The following HIPK2 variants were observed in gnomAD, a reference collection of about 807,000 sequenced individuals.
HIPK2 encodes the protein homeodomain-interacting protein kinase 2.
In HIPK2, 27 loss-of-function variants were observed where a neutral mutation model predicts 113.7. The ratio of observed to expected loss-of-function variants is 0.24; its 90% CI spans 0.17 to 0.33. HIPK2 has a LOEUF of 0.33. Among genes scored for constraint, HIPK2 ranks in the 10% least tolerant of loss-of-function variants. The pLI is 1.00. For missense variants in HIPK2, 1,257 were observed against 1,588.0 expected, an observed-to-expected ratio of 0.79 and a Z score of 3.54; for synonymous variants, 631 against 642.2, an observed-to-expected ratio of 0.98 and a Z score of 0.26.
intron 1 of HIPK2, among the ~76,000 whole-genome samples, chr7:139,735,853 A>G (rs1795923462): frequency 1.3e-5 from 2 of 152,234 alleles, no homozygotes; most frequent in South Asian, 4.1e-4. Flanking sequence ...CACTGCCTAC[A>G]GGACCTGGGA....
intron 7 of HIPK2, among the ~76,000 whole-genome samples, chr7:139,616,054 C>T (rs1398638259): frequency 6.6e-6 from 1 of 152,152 alleles, no homozygotes; most frequent in East Asian, 1.9e-4. Context: ...CCATGGTCTG[C>T]TCATATCTAG....
intron 12 of HIPK2, among the ~76,000 whole-genome samples, chr7:139,590,430 C>T (rs2116606312): frequency 6.6e-6 from 1 of 152,312 alleles, no homozygotes; most frequent in African/African-American, 2.4e-5. Flanking sequence ...GACCCCTTCC[C>T]TGTAGGGTCT....
At chr7:139,664,698 A>G (rs999941138) in intron 2 of HIPK2, among the ~76,000 whole-genome samples, 4 of 152,128 alleles carry the variant, frequency 2.6e-5, no homozygotes, top group Admixed American at 6.5e-5. Context: ...TCTGAGCTGT[A>G]CTGTAGCCCT....
intron 11 of HIPK2, among the ~76,000 whole-genome samples, chr7:139,598,238 T>C (rs1419072065): frequency 2.0e-5 from 3 of 152,332 alleles, no homozygotes; most frequent in Non-Finnish European, 4.4e-5. Flanking sequence ...ATAATGAAAC[T>C]CAGACTTTTA....
intron 1 of HIPK2, among the ~76,000 whole-genome samples, chr7:139,731,572 A>G (rs1795783940): frequency 2.0e-5 from 3 of 152,182 alleles, no homozygotes; most frequent in African/African-American, 7.2e-5. Context: ...CGCTCAGTGC[A>G]ACACCTGTTT....
intron 1 of HIPK2, among the ~76,000 whole-genome samples, chr7:139,722,633 C>T (rs930338348): frequency 2.0e-5 from 3 of 151,964 alleles, no homozygotes; most frequent in African/African-American, 7.3e-5. Context: ...GTACTAAGTA[C>T]ACAGCAGGCT....
At chr7:139,579,144 G>A (rs1266065570) in intron 13 of HIPK2, among the ~76,000 whole-genome samples, 1 of 152,180 alleles carries the variant, frequency 6.6e-6, no homozygotes, top group Non-Finnish European at 1.5e-5. Flanking sequence ...CGGTGCTATT[G>A]TTCCACAGAG....
At chr7:139,584,298 C>A (rs1316883870) in intron 12 of HIPK2, among the ~76,000 whole-genome samples, 1 of 152,090 alleles carries the variant, frequency 6.6e-6, no homozygotes, top group Non-Finnish European at 1.5e-5. Flanking sequence ...CCCACAGGGG[C>A]TTCTGGAAAC....
At chr7:139,686,784 G>A (rs60225977) in intron 2 of HIPK2, among the ~76,000 whole-genome samples, 11,440 of 152,228 alleles carry the variant, frequency 0.075, 726 homozygotes, top group African/African-American at 0.17. Flanking sequence ...TATTCCATAA[G>A]CCTCGTTGAT....
At chr7:139,621,420 G>A (rs1800229819) in intron 6 of HIPK2, among the ~76,000 whole-genome samples, 2 of 152,248 alleles carry the variant, frequency 1.3e-5, no homozygotes, top group African/African-American at 2.4e-5. Context: ...TTCCCCCATT[G>A]CATCTGTGTA....
At chr7:139,665,257 T>A (rs768810738) in intron 2 of HIPK2, among the ~76,000 whole-genome samples, 2 of 152,170 alleles carry the variant, frequency 1.3e-5, no homozygotes, top group Non-Finnish European at 2.9e-5. Flanking sequence ...CAGGCTGGTA[T>A]TGAACTCCTG....
rs529451044 is a variant in HIPK2 at position 139,683,037 on chromosome 7, G to C, written c.1103+32895C>G. ...TCTGGTGGGAGAGAAAGGAGAATGTGTGTTCTCTCTTAAATATAAGGCATT... is the reference window on the plus strand; with the variant it reads ...TCTGGTGGGAGAGAAAGGAGAATGTCTGTTCTCTCTTAAATATAAGGCATT... On this transcript the variant is annotated intron_variant, in intron 2 of 14. Transcript: ENST00000406875. This position sits in a 1 kb window ranked among gnomAD's most constrained non-coding sequence, Gnocchi z 4.2. Among the ~76,000 whole-genome samples the C allele has an allele frequency of 6.6e-6, 1 of 152,266 alleles. No homozygotes were observed. Among genetic ancestry groups the C allele is most frequent in the South Asian group, 2.1e-4 (1 of 4,824 alleles).
chr7:139,706,087 C>A (rs1358667570), intron 2 of HIPK2, among the ~76,000 whole-genome samples: 1 of 152,218 alleles, frequency 6.6e-6, no homozygotes, highest in Non-Finnish European at 1.5e-5. Flanking sequence ...GGTCTTGCTG[C>A]ATTTGGCCCC....
chr7:139,579,588 T>C (rs998657859), intron 13 of HIPK2, among the ~76,000 whole-genome samples: 2 of 151,670 alleles, frequency 1.3e-5, no homozygotes, highest in Admixed American at 6.6e-5. Flanking sequence ...TGATTAATTG[T>C]TGATGAAGAG....
chr7:139,634,813 G>T (rs1381206513), intron 2 of HIPK2, among the ~76,000 whole-genome samples: 3 of 151,702 alleles, frequency 2.0e-5, no homozygotes, highest in Non-Finnish European at 4.4e-5. Flanking sequence ...AGGTAGCTGG[G>T]ATTACAGGCA....
At chr7:139,696,124 G>A (rs1794560189) in intron 2 of HIPK2, among the ~76,000 whole-genome samples, 1 of 152,164 alleles carries the variant, frequency 6.6e-6, no homozygotes, top group Admixed American at 6.5e-5. Context: ...TTGATAACGT[G>A]ATGTTTGTTG....
intron 1 of HIPK2, among the ~76,000 whole-genome samples, chr7:139,775,452 C>T (rs1796723789): frequency 6.6e-6 from 1 of 151,936 alleles, no homozygotes; most frequent in Non-Finnish European, 1.5e-5. Context: ...CTGATGTGGG[C>T]CAGTTGAGGT....
In HIPK2 at chr7:139,777,787, C is replaced by G. The variant is rs1796813124; in HGVS notation, c.-164G>C. On this transcript the variant is annotated 5_prime_UTR_variant, in exon 1 of 15. Coordinates refer to ENST00000406875, the MANE Select transcript of HIPK2 (RefSeq NM_022740.5). ...CATCACCGCCTCCCGTGGCCGGCGC[C>G]GGGGGAGGGGGCCGGGCGCGCCGCC... is the stretch of plus-strand genomic sequence containing the variant. 2.2e-6 allele frequency: 1 copy of G among 460,768 alleles called. No individual in the cohort carries two copies. The highest frequency in any genetic ancestry group is 2.8e-6 in the Non-Finnish European group (1 of 358,318). 28.5% of individuals were successfully genotyped at this position (460,768 alleles called of 1,614,324 possible). A position where few individuals can be genotyped will look rare whatever the true frequency, so the allele number is the denominator to read the frequency against.
At chr7:139,634,276 G>A (rs10239168) in intron 2 of HIPK2, among the ~76,000 whole-genome samples, 26,105 of 151,836 alleles carry the variant, frequency 0.17, 3,041 homozygotes, top group African/African-American at 0.33. Flanking sequence ...TGAACCTTCC[G>A]TTGTCCCCAT....
Sources: gnomAD v4.1 joint callset for allele counts (sites outside exome capture counted in the v4.1 genomes callset) on GRCh38, gnomAD v4.1.1 for gene constraint, Gnocchi (gnomAD v3.1) non-coding constraint, MANE v1.5 for transcripts, NCBI Gene and HGNC (gene_info 2026-07-23, HGNC 2026-07-21) for gene names.